The following THEM6 variants were observed in gnomAD, a reference collection of about 807,000 sequenced individuals.
The protein encoded by THEM6 is protein THEM6.
In THEM6, 10 loss-of-function variants were observed where a neutral mutation model predicts 13.7. The ratio of observed to expected loss-of-function variants is 0.73; its 90% CI spans 0.45 to 1.24. The LOEUF (loss-of-function observed/expected upper bound fraction) is 1.24. Ranked by LOEUF, THEM6 falls within the 50% of genes most tolerant of loss-of-function variation. The pLI is 0.00. For missense variants in THEM6, 317 were observed against 312.6 expected (o/e 1.01, Z -0.11); for synonymous variants, 161 against 156.0 (o/e 1.03, Z -0.24).
At position 142,735,365 on chromosome 8, in the gene THEM6, A is replaced by C. The variant is rs150737509; in HGVS notation, c.553A>C (p.Ile185Leu). The C allele has an allele frequency of 9.1e-5, 143 of 1,576,834 alleles. No homozygotes were observed. Among genetic ancestry groups the C allele is most frequent in the Non-Finnish European group, 1.2e-4 (140 of 1,161,552 alleles). Reference sequence around the variant, plus strand: ...GCTGCCCGCTGATCTGCAGCACTGGATCTCCTACAACGAGGCCAGCAGCCA... The same window carrying C: ...GCTGCCCGCTGATCTGCAGCACTGGCTCTCCTACAACGAGGCCAGCAGCCA... ...PELPADLQHW[I>L]SYNEASSQLL... Residue 185 changes from isoleucine to leucine, a missense_variant, in exon 2 of 2, where the codon ATC (isoleucine) becomes CTC (leucine). Transcript: ENST00000336138.
intron 1 of THEM6, among the ~76,000 whole-genome samples, chr8:142,732,210 T>A (rs1447175324): frequency 6.7e-5 from 4 of 59,640 alleles, no homozygotes; most frequent in East Asian, 4.3e-4. Flanking sequence ...ATATATATTT[T>A]AACTACTGGA....
chr8:142,733,562 C>T (rs1222447384), intron 1 of THEM6, among the ~76,000 whole-genome samples: 1 of 152,170 alleles, frequency 6.6e-6, no homozygotes, highest in Admixed American at 6.5e-5. Context: ...AAAATGGAGT[C>T]GCTCTGGTTC....
chr8:142,727,489 A>G lies in THEM6; in HGVS notation c.143A>G (p.Gln48Arg). ...CGCGTCCGTGACCTGCTAGCTGAGC[A>G]GCGCTTCCCGGGCCGCGTGCTGCCC... ...QPRVRDLLAE[Q>R]RFPGRVLPSD... Residue 48 changes from glutamine (Q) to arginine (R), a missense_variant, in exon 1 of 2, where the codon CAG becomes CGG. Physicochemically the swap from Gln to Arg is conservative, Grantham distance 43. Transcript: ENST00000336138. The G allele has an allele frequency of 1.9e-6, 3 of 1,577,006 alleles. No homozygotes were observed. Among genetic ancestry groups the G allele is most frequent in the African/African-American group, 1.4e-5 (1 of 72,380 alleles).
chr8:142,732,207 T>TATATATATATATATATATATATATATA (rs1563822652), intron 1 of THEM6, among the ~76,000 whole-genome samples: 1 of 91,490 alleles, frequency 1.1e-5, no homozygotes, highest in African/African-American at 4.1e-5. Context: ...TATATATATA[T>TATATATATATATATATATATATATATA]TTTAACTACT....
chr8:142,729,523 C>T (rs1228386548), intron 1 of THEM6, among the ~76,000 whole-genome samples: 1 of 152,154 alleles, frequency 6.6e-6, no homozygotes, highest in Non-Finnish European at 1.5e-5. Flanking sequence ...TTACAATAGA[C>T]ACCCTAGTTT....
Position 142,736,185 on chromosome 8 carries a change from C to G in THEM6, c.*746C>G, listed in dbSNP as rs369887808. 2.6e-5 allele frequency: 4 copies of G among 152,436 alleles called. No individual in the cohort carries two copies. The highest frequency in any genetic ancestry group is 5.9e-5 in the Non-Finnish European group (4 of 68,248). The allele number at this position is 152,436 out of a possible 1,614,324, so 9.4% of individuals were successfully genotyped here. A position where few individuals can be genotyped will look rare whatever the true frequency, so the allele number is the denominator to read the frequency against. On this transcript the variant is annotated 3_prime_UTR_variant, in exon 2 of 2. Transcript: ENST00000336138. ...GAAAGACAGCAGGCTTCCTGCTGGG[C>G]GTTCCCTTGTTGGAGGGAATAGAGT...
At position 142,735,794 on chromosome 8, in the gene THEM6, T is replaced by C. The variant is rs1815748572; in HGVS notation, c.*355T>C. On this transcript the variant is annotated 3_prime_UTR_variant, in exon 2 of 2. Transcript: ENST00000336138. ...ACAAGTGCCTCCCGAGCCTAGATCC[T>C]GGCTCGGACCACTGCAAGGGCCGAG... 7.5e-6 allele frequency: 2 copies of C among 265,576 alleles called. No individual in the cohort carries two copies. The highest frequency in any genetic ancestry group is 9.1e-5 in the Admixed American group (2 of 22,008). The allele number at this position is 265,576 out of a possible 1,614,324, so 16.5% of individuals were successfully genotyped here.
intron 1 of THEM6, among the ~76,000 whole-genome samples, chr8:142,730,327 A>G (rs1815618616): frequency 6.6e-6 from 1 of 151,944 alleles, no homozygotes; most frequent in African/African-American, 2.4e-5. Flanking sequence ...TTTGATGAGG[A>G]CGTGGTTTTC....
chr8:142,733,811 A>G lies in THEM6; in HGVS notation c.514-1515A>G, dbSNP rs754319376. Among the ~76,000 whole-genome samples, 39 of 152,224 alleles carry G rather than the reference A, an allele frequency of 2.6e-4. 1 individual carries two copies. Among genetic ancestry groups the G allele is most frequent in the Non-Finnish European group, 5.1e-4 (35 of 68,028 alleles). On this transcript the variant is annotated intron_variant, in intron 1 of 1. Transcript: ENST00000336138. ...GTCGGGGCACAGCTTGCTTTTATACATCTCAGGGAGGCACAATACATCTGT... is the reference window on the plus strand; with the variant it reads ...GTCGGGGCACAGCTTGCTTTTATACGTCTCAGGGAGGCACAATACATCTGT...
At chr8:142,729,601 G>A (rs1475329908) in intron 1 of THEM6, among the ~76,000 whole-genome samples, 1 of 152,050 alleles carries the variant, frequency 6.6e-6, no homozygotes, top group Non-Finnish European at 1.5e-5. Flanking sequence ...GGGGAGATGG[G>A]GGAATAATGC....
chr8:142,735,586 T>TGGG lies in THEM6; in HGVS notation c.*147_*148insGGG. On this transcript the variant is annotated 3_prime_UTR_variant, in exon 2 of 2. Coordinates refer to ENST00000336138, the MANE Select transcript of THEM6 (RefSeq NM_016647.3). Reference sequence around the variant, plus strand: ...TGCTCCACCCACTGGGCCCCCCCAGTTATTGATACCCCTCTGTGCTGGGCT... The same window carrying TGGG: ...TGCTCCACCCACTGGGCCCCCCCAGTGGGTATTGATACCCCTCTGTGCTGGGCT... The TGGG allele has an allele frequency of 1.6e-6, 1 of 644,160 alleles. No homozygotes were observed. Among genetic ancestry groups the TGGG allele is most frequent in the Non-Finnish European group, 2.8e-6 (1 of 356,526 alleles). The allele number at this position is 644,160 out of a possible 1,614,324, so 39.9% of individuals were successfully genotyped here. A position where few individuals can be genotyped will look rare whatever the true frequency, so the allele number is the denominator to read the frequency against.
At position 142,727,587 on chromosome 8, in the gene THEM6, C is replaced by T; in HGVS notation, c.241C>T (p.His81Tyr). 6.6e-7 allele frequency: 1 copy of T among 1,523,678 alleles called. No individual in the cohort carries two copies. The highest frequency in any genetic ancestry group is 1.2e-5 in the South Asian group (1 of 83,028). 94.4% of individuals were successfully genotyped at this position (1,523,678 alleles called of 1,614,324 possible). ...CGAGGCCGACTTTGCGCGCGTCGCG[C>T]ACCTGACCCGCTGCGGGGTGCTCGG... is the stretch of plus-strand genomic sequence containing the variant. ...LREADFARVA[H>Y]LTRCGVLGAL... The change falls in exon 1 of 2, where the codon CAC becomes TAC. Residue 81 changes from histidine to tyrosine, a missense_variant. His to Tyr is a moderately conservative substitution (Grantham distance 83, BLOSUM62 2). Transcript: ENST00000336138.
rs1171217056 is a variant in THEM6 at position 142,727,830 on chromosome 8, C to A, written c.484C>A (p.Arg162Ser). The change falls in exon 1 of 2, where the codon CGC (arginine) becomes AGC (serine). Residue 162 changes from arginine (R) to serine (S), a missense_variant. By Grantham distance (110) the Arg-to-Ser change is moderately radical (BLOSUM62 -1). Transcript: ENST00000336138. ...RQHLLGTSPE[R>S]VVQHLCQRRV... ...GCACCTGCTGGGCACCTCACCCGAG[C>A]GCGTCGTGCAGCACCTGTGCCAGCG... The A allele has an allele frequency of 6.9e-7, 1 of 1,457,808 alleles. No individual in the cohort carries two copies. The highest frequency in any genetic ancestry group is 2.9e-5 in the East Asian group (1 of 34,264). The allele number at this position is 1,457,808 out of a possible 1,614,324, so 90.3% of individuals were successfully genotyped here.
chr8:142,727,904 A>T, intron 1 of THEM6, 45 bp downstream of exon 1: 1 of 1,372,272 alleles, frequency 7.3e-7, no homozygotes, highest in South Asian at 1.7e-5. Flanking sequence ...CCTTTGTGGG[A>T]CCTCCGGGGG....
chr8:142,734,361 C>A (rs942934450), intron 1 of THEM6, among the ~76,000 whole-genome samples: 1 of 152,178 alleles, frequency 6.6e-6, no homozygotes, highest in Admixed American at 6.5e-5. Context: ...AGATGGGGAG[C>A]CAGGGTTGCT....
chr8:142,730,040 C>T (rs587702055), intron 1 of THEM6, among the ~76,000 whole-genome samples: 236 of 152,316 alleles, frequency 1.5e-3, no homozygotes, highest in African/African-American at 5.5e-3. Context: ...AACAAGCATT[C>T]AAGGCGGTGG....
At position 142,735,772 on chromosome 8, in the gene THEM6, A is replaced by G. The variant is rs1815748079; in HGVS notation, c.*333A>G. ...GGTGCCTGGAGCAGAGGGACCCACA[A>G]GTGCCTCCCGAGCCTAGATCCTGGC... On this transcript the variant is annotated 3_prime_UTR_variant, in exon 2 of 2. Transcript: ENST00000336138. The G allele has an allele frequency of 3.4e-6, 1 of 295,546 alleles. No individual in the cohort carries two copies. Among genetic ancestry groups the G allele is most frequent in the African/African-American group, 2.1e-5 (1 of 46,922 alleles). The allele number at this position is 295,546 out of a possible 1,614,324, so 18.3% of individuals were successfully genotyped here. A position where few individuals can be genotyped will look rare whatever the true frequency, so the allele number is the denominator to read the frequency against.
At position 142,735,223 on chromosome 8, in the gene THEM6, G is replaced by C; in HGVS notation, c.514-103G>C. 4 of 840,262 alleles carry C rather than the reference G, an allele frequency of 4.8e-6. No individual in the cohort carries two copies. The South Asian group carries it at 6.3e-5, about 13-fold the overall frequency. The allele number at this position is 840,262 out of a possible 1,614,324, so 52.1% of individuals were successfully genotyped here. On this transcript the variant is annotated intron_variant, in intron 1 of 1. Transcript: ENST00000336138. The stretch of plus-strand genomic sequence containing the variant: ...TGGGCAAAGCATGGCAGGCGGCGGG[G>C]CAGGGGATCTTGGAAGGTCACGGGC...
rs1480092662 is a variant in THEM6, at chr8:142,736,083, T to TC, written c.*645dup. ...AGTCGGCCTTGCCTCCTCCTCCTCC[T>TC]CTACCTCCAGTCAGGCTGGACGGGA... On this transcript the variant is annotated 3_prime_UTR_variant, in exon 2 of 2. Transcript: ENST00000336138. The TC allele has an allele frequency of 7.9e-5, 12 of 152,674 alleles. No homozygotes were observed. The highest frequency in any genetic ancestry group is 1.5e-4 in the Non-Finnish European group (10 of 68,298). 9.5% of individuals were successfully genotyped at this position (152,674 alleles called of 1,614,324 possible).
Sources: gnomAD v4.1 joint callset for allele counts (sites outside exome capture counted in the v4.1 genomes callset) on GRCh38, gnomAD v4.1.1 for gene constraint, MANE v1.5 for transcripts, NCBI Gene and HGNC (gene_info 2026-07-23, HGNC 2026-07-21) for gene names.